The following CCDC107 variants were observed in gnomAD, a reference collection of about 807,000 sequenced individuals.
CCDC107 encodes the protein coiled-coil domain-containing protein 107.
A neutral mutation model predicts 17.9 loss-of-function variants in CCDC107; 17 were observed. That is an observed-to-expected ratio of 0.95 (90% CI 0.65 to 1.42). The LOEUF is 1.42. Ranked by LOEUF, CCDC107 falls within the 40% of genes most tolerant of loss-of-function variation. The probability of loss-of-function intolerance (pLI) is 0.00; values close to 1 mark genes in which losing one functional copy is unlikely to be tolerated. For synonymous variants in CCDC107, 170 were observed against 157.2 expected (o/e 1.08, Z -0.61); for missense variants, 388 against 360.1 (o/e 1.08, Z -0.63).
intron 2 of CCDC107, chr9:35,659,110 C>T (rs45622432): frequency 0.13 from 23,828 of 176,682 alleles, 2,050 homozygotes; most frequent in Non-Finnish European, 0.19. Flanking sequence ...AGGTTGATTG[C>T]TGCAGCCAGT....
At chr9:35,660,688 T>G (rs761413390) in intron 4 of CCDC107, 41 bp downstream of exon 4, 84 of 1,613,746 alleles carry the variant, frequency 5.2e-5, no homozygotes, top group Non-Finnish European at 6.9e-5. Context: ...GGGGAATTTG[T>G]GGCAGGAGGG....
rs527750654 is a variant in CCDC107 at position 35,658,323 on chromosome 9, G to C, written c.-57G>C. ...GTGCGCGTGCGCGTTGGGGCGGCCG[G>C]CCAATGCCGGACCGCTTCGGCACCG... On this transcript the variant is annotated 5_prime_UTR_variant, in exon 1 of 5. Transcript: ENST00000426546. The C allele has an allele frequency of 7.7e-7, 1 of 1,293,966 alleles. No homozygotes were observed. Among genetic ancestry groups the C allele is most frequent in the Non-Finnish European group, 9.8e-7 (1 of 1,019,212 alleles). 80.2% of individuals were successfully genotyped at this position (1,293,966 alleles called of 1,614,324 possible).
intron 2 of CCDC107, chr9:35,658,931 A>G (rs1823733505): frequency 4.5e-6 from 2 of 447,826 alleles, no homozygotes; most frequent in African/African-American, 4.1e-5. Context: ...ACGGATGTGA[A>G]GAGCGTGTGG....
intron 2 of CCDC107, 132 bp downstream of exon 2, chr9:35,658,859 TAAAG>T (rs1394995502): frequency 5.7e-5 from 30 of 521,840 alleles, no homozygotes; most frequent in Non-Finnish European, 9.2e-5. Flanking sequence ...GTCTGTAAAA[TAAAG>T]ACAGTAGTCC....
Position 35,658,389 on chromosome 9 carries a change from G to A in CCDC107, c.10G>A (p.Ala4Thr). The part of the protein sequence containing the change: MAG[A>T]VSLLGVVGLL... ...CACCCGTGGGCCGGCAATGGCGGGC[G>A]CAGTTTCGCTCTTGGGTGTGGTGGG... Residue 4 changes from alanine (A) to threonine (T), a missense_variant, in exon 1 of 5, where the codon GCA becomes ACA. By Grantham distance (58) the Ala-to-Thr change is moderately conservative. Coordinates refer to ENST00000426546, the MANE Select transcript of CCDC107 (RefSeq NM_174923.3). 1 of 1,400,634 alleles carries A rather than the reference G, an allele frequency of 7.1e-7. No homozygotes were observed. Among genetic ancestry groups the A allele is most frequent in the Non-Finnish European group, 9.3e-7 (1 of 1,074,698 alleles). 86.8% of individuals were successfully genotyped at this position (1,400,634 alleles called of 1,614,324 possible).
rs1018877615 is a variant in CCDC107 at position 35,660,552 on chromosome 9, C to T, written c.320-5C>T. 2 of 1,613,882 alleles carry T rather than the reference C, an allele frequency of 1.2e-6. No individual in the cohort carries two copies. Among genetic ancestry groups the T allele is most frequent in the Non-Finnish European group, 1.7e-6 (2 of 1,179,936 alleles). The stretch of plus-strand genomic sequence containing the variant: ...CTTCTGCCCCCTTTTTTCCCTTATC[C>T]CCAGAGCAACAGCTGGCCCAGTTGA... On this transcript the variant is annotated splice_polypyrimidine_tract_variant and splice_region_variant and intron_variant, in intron 3 of 4. Coordinates refer to ENST00000426546, the MANE Select transcript of CCDC107 (RefSeq NM_174923.3).
chr9:35,658,995 T>C (rs1823738299), intron 2 of CCDC107: 1 of 328,626 alleles, frequency 3.0e-6, no homozygotes, highest in South Asian at 1.1e-4. Flanking sequence ...CAGTGAGGAG[T>C]AGTCACTTGC....
In CCDC107 at chr9:35,660,397, A is replaced by G; in HGVS notation, c.259-4A>G. ...AGTACTGCCCTTTCCTTCTTCCACA[A>G]CAGGGGAAAGATGAAACTGCGGTTC... On this transcript the variant is annotated splice_polypyrimidine_tract_variant and splice_region_variant and intron_variant, in intron 2 of 4. Coordinates refer to ENST00000426546, the MANE Select transcript of CCDC107 (RefSeq NM_174923.3). 1.3e-6 allele frequency: 2 copies of G among 1,594,568 alleles called. No homozygotes were observed. The highest frequency in any genetic ancestry group is 1.7e-6 in the Non-Finnish European group (2 of 1,170,786).
Position 35,658,433 on chromosome 9 carries a change from G to C in CCDC107, c.54G>C (p.Ala18=). 1 of 1,465,114 alleles carries C rather than the reference G, an allele frequency of 6.8e-7. No homozygotes were observed. Among genetic ancestry groups the C allele is most frequent in the Non-Finnish European group, 9.0e-7 (1 of 1,108,176 alleles). 90.8% of individuals were successfully genotyped at this position (1,465,114 alleles called of 1,614,324 possible). A position where few individuals can be genotyped will look rare whatever the true frequency, so the allele number is the denominator to read the frequency against. The change falls in exon 1 of 5, where the codon GCG becomes GCC. Residue 18 remains alanine, a synonymous_variant. Coordinates refer to ENST00000426546, the MANE Select transcript of CCDC107 (RefSeq NM_174923.3). ...LGVVGLLLVS[A]LSGVLGDRAN... ...TGGTGGGGCTGCTGCTTGTGTCTGC[G>C]CTGTCCGGGGTCCTAGGAGACCGCG... is the stretch of plus-strand genomic sequence containing the variant.
In CCDC107 at chr9:35,660,795, T is replaced by G. The variant is rs772485080; in HGVS notation, c.460T>G (p.Trp154Gly). The change falls in exon 5 of 5, where the codon TGG becomes GGG. Residue 154 changes from tryptophan to glycine, a missense_variant. Physicochemically the swap from Trp to Gly is radical, Grantham distance 184 (BLOSUM62 -2). Transcript: ENST00000426546. ...GCAGGAGCTTCTGAACATGAAGCTA[T>G]GGACCATCCACGAGCTGCTGCAAGA... Reference protein sequence around the residue: ...AQQELLNMKLWTIHELLQDSK... With the variant: ...AQQELLNMKLGTIHELLQDSK... 3 of 1,614,168 alleles carry G rather than the reference T, an allele frequency of 1.9e-6. No homozygotes were observed. In the Admixed American group the frequency reaches 5.0e-5, roughly 27 times the overall value.
chr9:35,658,657 C>G lies in CCDC107; in HGVS notation c.188C>G (p.Ala63Gly). ...AAGGATCAACGCGAGCGGACCCGGG[C>G]CGGGTCGCTGCCTCTGGGGGCGCTG... ...PLKDQRERTR[A>G]GSLPLGALYT... The change falls in exon 2 of 5, where the codon GCC becomes GGC. Residue 63 changes from alanine (A) to glycine (G), a missense_variant. Transcript: ENST00000426546. 6.4e-7 allele frequency: 1 copy of G among 1,573,664 alleles called. No homozygotes were observed. Among genetic ancestry groups the G allele is most frequent in the East Asian group, 2.4e-5 (1 of 41,418 alleles).
Position 35,658,307 on chromosome 9 carries a change from C to T in CCDC107, c.-73C>T. 3 of 1,239,090 alleles carry T rather than the reference C, an allele frequency of 2.4e-6. No homozygotes were observed. The highest frequency in any genetic ancestry group is 2.1e-6 in the Non-Finnish European group (2 of 972,470). 76.8% of individuals were successfully genotyped at this position (1,239,090 alleles called of 1,614,324 possible). A position where few individuals can be genotyped will look rare whatever the true frequency, so the allele number is the denominator to read the frequency against. On this transcript the variant is annotated 5_prime_UTR_variant, in exon 1 of 5. Transcript: ENST00000426546. Reference sequence around the variant, plus strand: ...CGGCCGGCCTGCTCGCGTGCGCGTGCGCGTTGGGGCGGCCGGCCAATGCCG... The same window carrying T: ...CGGCCGGCCTGCTCGCGTGCGCGTGTGCGTTGGGGCGGCCGGCCAATGCCG...
rs1324946159 is a variant in CCDC107, at chr9:35,661,068, G to T, written c.733G>T (p.Val245Leu). 1.1e-5 allele frequency: 17 copies of T among 1,614,092 alleles called. No individual in the cohort carries two copies. Among genetic ancestry groups the T allele is most frequent in the Non-Finnish European group, 1.4e-5 (16 of 1,180,042 alleles). ...ETWNLATSWE[V>L]GRGLRRRCSQ... ...ATGGAACCTAGCTACTTCCTGGGAGGTGGGGCGGGGACTACGGAGAAGGTG... is the reference window on the plus strand; with the variant it reads ...ATGGAACCTAGCTACTTCCTGGGAGTTGGGGCGGGGACTACGGAGAAGGTG... The change falls in exon 5 of 5, where the codon GTG becomes TTG. Residue 245 changes from valine to leucine, a missense_variant. Physicochemically the swap from Val to Leu is conservative, Grantham distance 32. Coordinates refer to ENST00000426546, the MANE Select transcript of CCDC107 (RefSeq NM_174923.3).
At position 35,660,876 on chromosome 9, in the gene CCDC107, G is replaced by A. The variant is rs188379610; in HGVS notation, c.541G>A (p.Glu181Lys). 9.2e-5 allele frequency: 149 copies of A among 1,614,124 alleles called. No homozygotes were observed. Among genetic ancestry groups the A allele is most frequent in the Admixed American group, 5.0e-5 (3 of 60,020 alleles). Residue 181 changes from glutamate to lysine, a missense_variant, in exon 5 of 5, where the codon GAG becomes AAG. Coordinates refer to ENST00000426546, the MANE Select transcript of CCDC107 (RefSeq NM_174923.3). ...ASEPGEGSGG[E>K]SAGGGDKVSE... ...AGAACCAGGTGAAGGCTCGGGAGGC[G>A]AGTCTGCTGGAGGTGGAGACAAAGT... is the stretch of plus-strand genomic sequence containing the variant.
rs750964618 is a variant in CCDC107 at position 35,660,896 on chromosome 9, CAA to C, written c.563_564del (p.Lys188SerfsTer3). 5.0e-6 allele frequency: 8 copies of C among 1,614,028 alleles called. No individual in the cohort carries two copies. The highest frequency in any genetic ancestry group is 4.5e-5 in the East Asian group (2 of 44,892). ...GAGGCGAGTCTGCTGGAGGTGGAGA[CAA>C]AGTCTCTGAAACTGGAACATTCCTG... ...SGGESAGGGD[K>X]VSETGTFLIS... On this transcript the variant is annotated frameshift_variant, in exon 5 of 5. Transcript: ENST00000426546. LOFTEE classifies it low-confidence loss of function (END_TRUNC).
At chr9:35,659,609 T>C (rs1823783406) in intron 2 of CCDC107, 1 of 152,206 alleles carries the variant, frequency 6.6e-6, no homozygotes. Flanking sequence ...TTAAGAGCAC[T>C]ACGTGTTCAG....
chr9:35,660,598 G>C lies in CCDC107; in HGVS notation c.361G>C (p.Glu121Gln). Residue 121 changes from glutamate (E) to glutamine (Q), a missense_variant, in exon 4 of 5, where the codon GAG becomes CAG. Glu to Gln is a conservative substitution (Grantham distance 29, BLOSUM62 2). Coordinates refer to ENST00000426546, the MANE Select transcript of CCDC107 (RefSeq NM_174923.3). ...GTTGACACAACAGCTGGCCCAGACA[G>C]AGCAGCACCTGAACAACCTGATGGC... ...AQLTQQLAQT[E>Q]QHLNNLMAQL... 2.5e-6 allele frequency: 4 copies of C among 1,614,210 alleles called. No individual in the cohort carries two copies. The highest frequency in any genetic ancestry group is 3.4e-6 in the Non-Finnish European group (4 of 1,180,036).
chr9:35,660,357 GA>G, intron 2 of CCDC107, 43 bp from the exon 3 acceptor site: 1 of 1,522,170 alleles, frequency 6.6e-7, no homozygotes. Context: ...TGATGGAGCA[GA>G]ACCTTGTTGC....
rs768717463 is a variant in CCDC107 at position 35,661,057 on chromosome 9, C to T, written c.722C>T (p.Thr241Ile). 4.3e-6 allele frequency: 7 copies of T among 1,614,168 alleles called. No individual in the cohort carries two copies. The highest frequency in any genetic ancestry group is 4.2e-6 in the Non-Finnish European group (5 of 1,180,024). Residue 241 changes from threonine (T) to isoleucine (I), a missense_variant, in exon 5 of 5, where the codon ACT becomes ATT. Transcript: ENST00000426546. ...AGCACAGAGACATGGAACCTAGCTA[C>T]TTCCTGGGAGGTGGGGCGGGGACTA... Reference protein sequence around the residue: ...NWSTETWNLATSWEVGRGLRR... With the variant: ...NWSTETWNLAISWEVGRGLRR...
Sources: gnomAD v4.1 joint callset for allele counts on GRCh38, gnomAD v4.1.1 for gene constraint, MANE v1.5 for transcripts, NCBI Gene and HGNC (gene_info 2026-07-23, HGNC 2026-07-21) for gene names.